Variants in ARHGAP44 observed in about 807,000 individuals in gnomAD.
ARHGAP44 encodes the protein Rho GTPase activating protein 44, also known as rho GTPase-activating protein 44.
A neutral mutation model predicts 106.8 loss-of-function variants in ARHGAP44; 43 were observed. The observed-to-expected ratio is 0.40, with a 90% CI of 0.32 to 0.52. ARHGAP44 has a LOEUF of 0.52. Ranked by LOEUF, ARHGAP44 falls within the 20% of genes least tolerant of loss-of-function variation. ARHGAP44 has a pLI of 0.48. For missense variants in ARHGAP44, 866 were observed against 1,050.5 expected (o/e 0.82, Z 2.43); for synonymous variants, 439 against 410.3 (o/e 1.07, Z -0.85).
chr17:12,795,764 G>T (rs1020394379), intron 1 of ARHGAP44, among the ~76,000 whole-genome samples: 1 of 152,112 alleles, frequency 6.6e-6, no homozygotes, highest in Admixed American at 6.6e-5. Flanking sequence ...CAGGAGGTTG[G>T]GGGGAGAGTC....
chr17:12,865,304 C>T (rs2036203940), intron 1 of ARHGAP44, among the ~76,000 whole-genome samples: 1 of 152,168 alleles, frequency 6.6e-6, no homozygotes, highest in Non-Finnish European at 1.5e-5. Context: ...ATACACAATT[C>T]TACATCAAGC....
chr17:12,859,974 T>C (rs2036021219), intron 1 of ARHGAP44, among the ~76,000 whole-genome samples: 1 of 152,198 alleles, frequency 6.6e-6, no homozygotes, highest in Admixed American at 6.5e-5. Flanking sequence ...CTCTGGGCTA[T>C]AGGGGTGGTC....
rs12942448 is a variant in ARHGAP44 at position 12,942,670 on chromosome 17, G to C, written c.652-918G>C. 5.9e-5 allele frequency among the ~76,000 whole-genome samples: 9 copies of C among 152,042 alleles called. No individual in the cohort carries two copies. The East Asian group carries it at 1.7e-3, about 29-fold the overall frequency. ...TTAGTTTTACTTTAATTTTACTTAGGGATATTAGTGTCCACCCTCCACAAC... is the reference window on the plus strand; with the variant it reads ...TTAGTTTTACTTTAATTTTACTTAGCGATATTAGTGTCCACCCTCCACAAC... On this transcript the variant is annotated intron_variant, in intron 8 of 20. Coordinates refer to ENST00000379672, the MANE Select transcript of ARHGAP44 (RefSeq NM_014859.6).
At chr17:12,821,758 T>A (rs1451799760) in intron 1 of ARHGAP44, among the ~76,000 whole-genome samples, 1 of 152,198 alleles carries the variant, frequency 6.6e-6, no homozygotes, top group Non-Finnish European at 1.5e-5. Flanking sequence ...TTCCAAACAA[T>A]GTGAATCACG....
At chr17:12,986,673 C>CAAAG (rs2039963720) in intron 20 of ARHGAP44, 1 of 18,356 alleles carries the variant, frequency 5.4e-5, no homozygotes, top group Non-Finnish European at 9.7e-5. Flanking sequence ...GACTCCATCT[C>CAAAG]AAAAAAAAAA....
chr17:12,908,799 A>T, intron 3 of ARHGAP44, 98 bp from the exon 4 acceptor site: 1 of 904,474 alleles, frequency 1.1e-6, no homozygotes, highest in Non-Finnish European at 1.7e-6. Context: ...TTTCATAGTT[A>T]ATATAATACC....
In ARHGAP44 at chr17:12,891,644, A is replaced by G. The variant is rs74460427; in HGVS notation, c.54-3296A>G. 0.016 allele frequency among the ~76,000 whole-genome samples: 2,390 copies of G among 152,306 alleles called. 235 individuals carry two copies. In the East Asian group the frequency reaches 0.3, roughly 19 times the overall value. Reference sequence around the variant, plus strand: ...TCAACATGTGAACTTTGAGGAACACATCCAAACCACAGGAGTATAGTTGAG... The same window carrying G: ...TCAACATGTGAACTTTGAGGAACACGTCCAAACCACAGGAGTATAGTTGAG... On this transcript the variant is annotated intron_variant, in intron 1 of 20. Coordinates refer to ENST00000379672, the MANE Select transcript of ARHGAP44 (RefSeq NM_014859.6).
chr17:12,963,739 T>TGCACCAGTGCCGTGTGTGCAGACAG (rs2039324122), intron 16 of ARHGAP44, among the ~76,000 whole-genome samples: 11 of 130,520 alleles, frequency 8.4e-5, no homozygotes, highest in African/African-American at 1.1e-4. Context: ...TGCGAAGCCC[T>TGCACCAGTGCCGTGTGTGCAGACAG]GCCAGAACTC....
At chr17:12,909,315 A>T (rs1418769323) in intron 4 of ARHGAP44, among the ~76,000 whole-genome samples, 1 of 152,234 alleles carries the variant, frequency 6.6e-6, no homozygotes, top group Non-Finnish European at 1.5e-5. Context: ...TCACAACAAA[A>T]CAAACTGAAA....
intron 18 of ARHGAP44, among the ~76,000 whole-genome samples, chr17:12,974,807 A>G (rs916645535): frequency 6.6e-6 from 1 of 152,118 alleles, no homozygotes. Context: ...TAGAAGAATT[A>G]TAAGCATATG....
chr17:12,841,635 C>CAAAAAAAAAA (rs1232144002), intron 1 of ARHGAP44, among the ~76,000 whole-genome samples: 1 of 87,754 alleles, frequency 1.1e-5, no homozygotes, highest in African/African-American at 3.9e-5. Context: ...CACACACACA[C>CAAAAAAAAAA]ACACAAACAA....
chr17:12,898,493 A>G (rs142238325), intron 3 of ARHGAP44, among the ~76,000 whole-genome samples: 2 of 152,324 alleles, frequency 1.3e-5, no homozygotes, highest in East Asian at 3.9e-4. Flanking sequence ...GAGACTTGAG[A>G]AAAAGGCACT....
At chr17:12,838,324 A>G (rs898066920) in intron 1 of ARHGAP44, among the ~76,000 whole-genome samples, 5 of 152,222 alleles carry the variant, frequency 3.3e-5, no homozygotes, top group Non-Finnish European at 5.9e-5. Flanking sequence ...AAAAATGCCT[A>G]TGTTTGCCTA....
intron 20 of ARHGAP44, chr17:12,988,980 C>T (rs1365034834): frequency 6.7e-6 from 1 of 149,990 alleles, no homozygotes; most frequent in Non-Finnish European, 1.5e-5. Context: ...GCCTGTAATC[C>T]CAGCTACTCG....
At chr17:12,921,785 A>G (rs1358531736) in intron 6 of ARHGAP44, among the ~76,000 whole-genome samples, 2 of 152,200 alleles carry the variant, frequency 1.3e-5, no homozygotes, top group Non-Finnish European at 2.9e-5. Flanking sequence ...AAGGAGTAAC[A>G]TTCGTGGGTG....
At chr17:12,921,423 G>A (rs943849980) in intron 6 of ARHGAP44, among the ~76,000 whole-genome samples, 3 of 152,108 alleles carry the variant, frequency 2.0e-5, no homozygotes, top group African/African-American at 7.2e-5. Context: ...ATAGCTCACT[G>A]CACTCTTGAA....
intron 10 of ARHGAP44, among the ~76,000 whole-genome samples, chr17:12,947,063 CA>C (rs1567702053): frequency 1.3e-5 from 2 of 152,172 alleles, no homozygotes; most frequent in African/African-American, 4.8e-5. Flanking sequence ...CTCTTTTCAA[CA>C]CAACCACAGC....
intron 1 of ARHGAP44, among the ~76,000 whole-genome samples, chr17:12,885,431 A>T (rs970820487): frequency 3.3e-5 from 5 of 151,578 alleles, no homozygotes; most frequent in African/African-American, 1.2e-4. Context: ...ACAAACTGCC[A>T]AAGTGTTTTC....
At chr17:12,807,489 G>A (rs539894084) in intron 1 of ARHGAP44, among the ~76,000 whole-genome samples, 4 of 152,158 alleles carry the variant, frequency 2.6e-5, no homozygotes, top group Admixed American at 6.5e-5. Context: ...CAATCATGGC[G>A]GAAGGCAAAG....
Sources: allele counts gnomAD v4.1 joint callset (sites outside exome capture counted in the v4.1 genomes callset), GRCh38; gene constraint gnomAD v4.1.1; transcripts MANE v1.5; gene names NCBI Gene and HGNC (gene_info 2026-07-23, HGNC 2026-07-21).